The following FAAH2 variants were observed in gnomAD, a reference collection of about 807,000 sequenced individuals.
FAAH2 encodes fatty-acid amide hydrolase 2.
A neutral mutation model predicts 36.9 loss-of-function variants in FAAH2; 60 were observed. The ratio of observed to expected loss-of-function variants is 1.63; its 90% CI spans 1.32 to 2.02. The LOEUF is 2.02. Among genes scored for constraint, FAAH2 ranks in the 30% most tolerant of loss-of-function variants. FAAH2 has a pLI of 0.00. For missense variants in FAAH2, 689 were observed against 397.5 expected (o/e 1.73, Z -6.23); for synonymous variants, 214 against 143.8 (o/e 1.49, Z -3.49).
chrX:57,479,750 G>T (rs1758989663), intron 10 of FAAH2, among the ~76,000 whole-genome samples: 1 of 111,498 alleles, frequency 9.0e-6, no homozygotes, highest in East Asian at 2.8e-4. Context: ...ATAATCATGT[G>T]GTTTTTGTCT....
At position 57,463,639 on chromosome X, in the gene FAAH2, C is replaced by G. The variant is rs12013316; in HGVS notation, c.1423+14921C>G. 5.2e-3 allele frequency among the ~76,000 whole-genome samples: 577 copies of G among 111,299 alleles called. 4 individuals carry two copies. Among genetic ancestry groups the G allele is most frequent in the African/African-American group, 0.017 (536 of 30,672 alleles). ...CAAAAAAAGACATTTATCTGGCCAACAAACATGAAAAAAAGCTCATCATCA... is the reference window on the plus strand; with the variant it reads ...CAAAAAAAGACATTTATCTGGCCAAGAAACATGAAAAAAAGCTCATCATCA... On this transcript the variant is annotated intron_variant, in intron 10 of 10. Transcript: ENST00000374900.
At chrX:57,461,816 A>T (rs890015857) in intron 10 of FAAH2, among the ~76,000 whole-genome samples, 1 of 110,397 alleles carries the variant, frequency 9.1e-6, no homozygotes, top group Non-Finnish European at 1.9e-5. Context: ...ATTGAAGGAG[A>T]TAAAGACTCA....
chrX:57,157,637 G>A, the FAAH2 span, among the ~76,000 whole-genome samples: 1 of 111,115 alleles, frequency 9.0e-6, no homozygotes, highest in South Asian at 3.8e-4. Context: ...CTATCCTCTT[G>A]AATGCATTTT....
the FAAH2 span, among the ~76,000 whole-genome samples, chrX:57,278,106 C>T: frequency 9.0e-6 from 1 of 111,704 alleles, no homozygotes; most frequent in East Asian, 2.8e-4. Flanking sequence ...AAAGAGCCCT[C>T]ATTGCCATGA....
the FAAH2 span, among the ~76,000 whole-genome samples, chrX:57,128,078 C>T: frequency 8.9e-6 from 1 of 111,856 alleles, no homozygotes; most frequent in African/African-American, 3.2e-5. Flanking sequence ...TCAAACAATG[C>T]TGTGATAACA....
At chrX:57,122,703 CA>C in the FAAH2 span, among the ~76,000 whole-genome samples, 3 of 111,745 alleles carry the variant, frequency 2.7e-5, no homozygotes, top group Admixed American at 9.5e-5. Context: ...GTAAACAAAA[CA>C]ATGCTTAATG....
chrX:57,317,220 G>A (rs940505260), intron 3 of FAAH2, among the ~76,000 whole-genome samples: 1 of 112,112 alleles, frequency 8.9e-6, no homozygotes, highest in Non-Finnish European at 1.9e-5. Context: ...ACACAGACTG[G>A]CAAATTAAAT....
chrX:57,365,447 A>G (rs929594697), intron 5 of FAAH2, among the ~76,000 whole-genome samples: 1 of 111,603 alleles, frequency 9.0e-6, no homozygotes, highest in African/African-American at 3.3e-5. Flanking sequence ...ATGGGGTTCC[A>G]TTTGTAGGTG....
the FAAH2 span, among the ~76,000 whole-genome samples, chrX:57,201,891 T>C: frequency 1.2e-4 from 13 of 111,556 alleles, no homozygotes; most frequent in Non-Finnish European, 2.4e-4. Flanking sequence ...CTTAGTAATA[T>C]TTTTTTTCTG....
At chrX:57,414,559 A>T (rs779142996) in intron 7 of FAAH2, among the ~76,000 whole-genome samples, 36 of 111,808 alleles carry the variant, frequency 3.2e-4, no homozygotes, top group Admixed American at 6.7e-4. Context: ...CATCCCAGGG[A>T]TGAAGCTGAC....
chrX:57,160,620 A>C, the FAAH2 span, among the ~76,000 whole-genome samples: 9 of 111,809 alleles, frequency 8.0e-5, no homozygotes, highest in Non-Finnish European at 1.5e-4. Context: ...TTTCTAGTTT[A>C]TTTGCCTAGA....
In FAAH2 at chrX:57,352,050, GTATATA is replaced by G. The variant is rs201980797; in HGVS notation, c.742+10671_742+10676del. 5.8e-4 allele frequency among the ~76,000 whole-genome samples: 2 copies of G among 3,435 alleles called. 1 individual carries two copies. Among genetic ancestry groups the G allele is most frequent in the African/African-American group, 8.0e-4 (2 of 2,507 alleles). The allele number at this position is 3,435 out of a possible 115,157, so 3.0% of individuals were successfully genotyped here. Reference sequence around the variant, plus strand: ...TATATATATATACATATATATATGTGTATATATATATATATACACATATATATATGT... The same window carrying G: ...TATATATATATACATATATATATGTGTATATATATACACATATATATATGT... On this transcript the variant is annotated intron_variant, in intron 5 of 10. Coordinates refer to ENST00000374900, the MANE Select transcript of FAAH2 (RefSeq NM_174912.4).
At chrX:57,134,666 A>G in the FAAH2 span, 1 of 111,579 alleles carries the variant, frequency 9.0e-6, no homozygotes, top group Admixed American at 9.5e-5. Context: ...TGGATAAAGT[A>G]CTTTCCAAAT....
the FAAH2 span, among the ~76,000 whole-genome samples, chrX:57,276,861 C>A: frequency 9.0e-6 from 1 of 111,336 alleles, no homozygotes; most frequent in South Asian, 3.8e-4. Context: ...TATACCCTCC[C>A]AAGACAAAAC....
chrX:57,302,719 C>A (rs1324273413), intron 2 of FAAH2, among the ~76,000 whole-genome samples: 2 of 111,339 alleles, frequency 1.8e-5, no homozygotes, highest in Non-Finnish European at 3.8e-5. Flanking sequence ...TGAGCAAGTG[C>A]AGGATTTCAA....
the FAAH2 span, among the ~76,000 whole-genome samples, chrX:57,264,937 C>T: frequency 1.8e-5 from 2 of 111,967 alleles, no homozygotes; most frequent in African/African-American, 6.5e-5. Context: ...CAGGTACTCG[C>T]ATTGGGACTA....
chrX:57,331,355 A>C (rs754461621), intron 3 of FAAH2, among the ~76,000 whole-genome samples: 1 of 110,987 alleles, frequency 9.0e-6, no homozygotes, highest in East Asian at 2.9e-4. Flanking sequence ...CCCAGTGAAC[A>C]GTAGCCCTGT....
the FAAH2 span, among the ~76,000 whole-genome samples, chrX:57,149,549 G>A: frequency 1.8e-5 from 2 of 111,708 alleles, no homozygotes; most frequent in African/African-American, 6.5e-5. Context: ...TTGCATAGAG[G>A]TGTTCATAGT....
At chrX:57,303,050 T>G (rs774707234) in intron 2 of FAAH2, among the ~76,000 whole-genome samples, 13 of 111,050 alleles carry the variant, frequency 1.2e-4, no homozygotes, top group African/African-American at 2.9e-4. Context: ...TGGCTGAAGT[T>G]TGGGCAATGC....
Sources: allele counts gnomAD v4.1 joint callset (sites outside exome capture counted in the v4.1 genomes callset), GRCh38; gene constraint gnomAD v4.1.1; transcripts MANE v1.5; gene names NCBI Gene and HGNC (gene_info 2026-07-23, HGNC 2026-07-21).